Variants in SPOCK1 observed in about 807,000 individuals in gnomAD.
The protein encoded by SPOCK1 is SPARC (osteonectin), cwcv and kazal like domains proteoglycan 1.
SPOCK1 carries 23 observed loss-of-function variants against 55.3 expected under a neutral mutation model. The observed-to-expected ratio is 0.42, with a 90% confidence interval of 0.30 to 0.59. The LOEUF (loss-of-function observed/expected upper bound fraction) is 0.59, where lower values mean the gene tolerates loss of function less well. Among genes scored for constraint, SPOCK1 ranks in the 20% least tolerant of loss-of-function variants. The pLI, the probability that SPOCK1 is intolerant of heterozygous loss-of-function variation, is 0.22. For missense variants in SPOCK1, 499 were observed against 552.5 expected (o/e 0.90, Z 0.97); for synonymous variants, 226 against 221.0 (o/e 1.02, Z -0.20).
intron 2 of SPOCK1, among the ~76,000 whole-genome samples, chr5:137,325,498 G>A (rs867553602): frequency 1.3e-5 from 2 of 152,134 alleles, no homozygotes; most frequent in African/African-American, 2.4e-5. Flanking sequence ...CTGCGTACAT[G>A]CTTCCTAAAA....
chr5:137,404,743 T>C lies in SPOCK1; in HGVS notation c.186+93630A>G, dbSNP rs370386938. 3.9e-5 allele frequency among the ~76,000 whole-genome samples: 6 copies of C among 152,160 alleles called. No individual in the cohort carries two copies. In the South Asian group the frequency reaches 8.3e-4, roughly 21 times the overall value. ...AAAATAACATTTTAAATATCGTTGG[T>C]ACAGGCCAAACAAACCACATCAAGC... On this transcript the variant is annotated intron_variant, in intron 2 of 10. Coordinates refer to ENST00000394945, the MANE Select transcript of SPOCK1 (RefSeq NM_004598.4).
At chr5:137,029,655 C>T (rs2126984838) in intron 6 of SPOCK1, among the ~76,000 whole-genome samples, 1 of 152,292 alleles carries the variant, frequency 6.6e-6, no homozygotes, top group Admixed American at 6.5e-5. Context: ...ATGCTAGGGT[C>T]ATGGCAAAAG....
chr5:137,120,519 A>G (rs1452468107), intron 4 of SPOCK1, among the ~76,000 whole-genome samples: 22 of 152,222 alleles, frequency 1.4e-4, no homozygotes, highest in Admixed American at 1.4e-3. Context: ...AGGAGAATCT[A>G]TTCTTCATAG....
chr5:137,417,332 C>CTTTTTT (rs35711384), intron 2 of SPOCK1, among the ~76,000 whole-genome samples: 1 of 117,894 alleles, frequency 8.5e-6, no homozygotes. Flanking sequence ...TAACCCATTT[C>CTTTTTT]TTTTTTTTTT....
intron 2 of SPOCK1, among the ~76,000 whole-genome samples, chr5:137,492,936 AC>A (rs894088595): frequency 6.6e-6 from 1 of 152,232 alleles, no homozygotes; most frequent in Non-Finnish European, 1.5e-5. Flanking sequence ...CACACTGGGC[AC>A]TGTCTTACTC....
rs965830314 is a variant in SPOCK1 at position 136,975,949 on chromosome 5, G to A, written c.*2705C>T. 2 of 152,138 alleles carry A rather than the reference G, an allele frequency of 1.3e-5. No homozygotes were observed. The highest frequency in any genetic ancestry group is 4.8e-5 in the African/African-American group (2 of 41,426). The allele number at this position is 152,138 out of a possible 1,614,324, so 9.4% of individuals were successfully genotyped here. A position where few individuals can be genotyped will look rare whatever the true frequency, so the allele number is the denominator to read the frequency against. On this transcript the variant is annotated 3_prime_UTR_variant, in exon 11 of 11. Transcript: ENST00000394945. The stretch of plus-strand genomic sequence containing the variant: ...GAACTTTTCAAAAGTGAATTAGTGA[G>A]GATTCAGCTTAATACCTGTATCAAA...
At chr5:137,039,064 T>C (rs868430224) in intron 6 of SPOCK1, among the ~76,000 whole-genome samples, 56 of 152,292 alleles carry the variant, frequency 3.7e-4, no homozygotes, top group African/African-American at 1.2e-3. Flanking sequence ...ATGTCACTTA[T>C]TATAAGCTGG....
At chr5:137,034,134 T>C (rs1235913905) in intron 6 of SPOCK1, among the ~76,000 whole-genome samples, 1 of 152,238 alleles carries the variant, frequency 6.6e-6, no homozygotes, top group African/African-American at 2.4e-5. Context: ...AGCCATGTGC[T>C]GCATTCTCTC....
chr5:137,258,619 A>G (rs1166293729), intron 3 of SPOCK1, among the ~76,000 whole-genome samples: 1 of 152,234 alleles, frequency 6.6e-6, no homozygotes. Flanking sequence ...CTCAACAAGT[A>G]CAATATAATT....
chr5:137,311,694 AT>A (rs1182531431), intron 2 of SPOCK1, among the ~76,000 whole-genome samples: 1 of 152,152 alleles, frequency 6.6e-6, no homozygotes, highest in East Asian at 1.9e-4. Flanking sequence ...ATATATAAAT[AT>A]GTAAAAATTT....
chr5:136,987,622 G>GT (rs1231036939), intron 8 of SPOCK1, among the ~76,000 whole-genome samples: 2 of 152,088 alleles, frequency 1.3e-5, no homozygotes, highest in African/African-American at 4.8e-5. Context: ...GAATACCCAC[G>GT]TTTTTTGTTG....
chr5:137,005,159 C>T (rs1257306194), intron 6 of SPOCK1, among the ~76,000 whole-genome samples: 1 of 152,090 alleles, frequency 6.6e-6, no homozygotes, highest in African/African-American at 2.4e-5. Context: ...TAGGACCATA[C>T]AGAGGAGCCA....
At chr5:137,467,100 C>T (rs1753637041) in intron 2 of SPOCK1, among the ~76,000 whole-genome samples, 2 of 152,252 alleles carry the variant, frequency 1.3e-5, no homozygotes, top group Admixed American at 1.3e-4. Flanking sequence ...TGGCCTAGGC[C>T]TCTGGTAGGG....
At chr5:137,136,929 C>T (rs538103486) in intron 4 of SPOCK1, among the ~76,000 whole-genome samples, 17 of 152,300 alleles carry the variant, frequency 1.1e-4, no homozygotes, top group African/African-American at 1.4e-4. Context: ...ATACAAATGC[C>T]ACCCTAATCA....
chr5:137,287,164 T>C (rs1008884568), intron 2 of SPOCK1, among the ~76,000 whole-genome samples: 6 of 152,212 alleles, frequency 3.9e-5, no homozygotes, highest in African/African-American at 1.2e-4. Flanking sequence ...CCAAGCATTA[T>C]GGGGACATAC....
intron 2 of SPOCK1, among the ~76,000 whole-genome samples, chr5:137,284,888 TA>T (rs1385299900): frequency 2.0e-5 from 3 of 152,116 alleles, no homozygotes; most frequent in African/African-American, 7.2e-5. Context: ...CCAACCTTGC[TA>T]TGACACTGGA....
At chr5:137,165,727 A>C (rs1156459328) in intron 3 of SPOCK1, among the ~76,000 whole-genome samples, 1 of 152,226 alleles carries the variant, frequency 6.6e-6, no homozygotes, top group Non-Finnish European at 1.5e-5. Flanking sequence ...AAATAATTTA[A>C]AAGAATCAAG....
At chr5:137,242,897 C>A (rs780753235) in intron 3 of SPOCK1, among the ~76,000 whole-genome samples, 3 of 152,126 alleles carry the variant, frequency 2.0e-5, no homozygotes, top group Non-Finnish European at 4.4e-5. Flanking sequence ...AATATATATA[C>A]AAATGCTAAC....
intron 5 of SPOCK1, among the ~76,000 whole-genome samples, chr5:137,098,542 TA>T (rs1753198990): frequency 6.6e-6 from 1 of 152,188 alleles, no homozygotes; most frequent in Non-Finnish European, 1.5e-5. Context: ...CTCTATGGAC[TA>T]AAGGTCTGAG....
Sources: gnomAD v4.1 joint callset for allele counts (sites outside exome capture counted in the v4.1 genomes callset) on GRCh38, gnomAD v4.1.1 for gene constraint, MANE v1.5 for transcripts, NCBI Gene and HGNC (gene_info 2026-07-23, HGNC 2026-07-21) for gene names.